OTUD4: variants seen among roughly 807,000 people sequenced by gnomAD.
OTUD4 encodes the protein OTU deubiquitinase 4.
In OTUD4, 24 loss-of-function variants were observed where a neutral mutation model predicts 130.4. The ratio of observed to expected loss-of-function variants is 0.18; its 90% CI spans 0.13 to 0.26. OTUD4 has a LOEUF of 0.26. OTUD4 is among the 10% of genes least tolerant of loss of function. The pLI, the probability that OTUD4 is intolerant of heterozygous loss-of-function variation, is 1.00. For missense variants in OTUD4, 1,031 were observed against 1,329.4 expected, an observed-to-expected ratio of 0.78 and a Z score of 3.49; for synonymous variants, 420 against 472.5, an observed-to-expected ratio of 0.89 and a Z score of 1.44.
intron 16 of OTUD4, among the ~76,000 whole-genome samples, 194 bp from the exon 17 acceptor site, chr4:145,143,639 G>A (rs1750688142): frequency 6.6e-6 from 1 of 152,012 alleles, no homozygotes. Flanking sequence ...TCAAACTACT[G>A]GGCAGTTTTC....
At chr4:145,150,441 C>T in intron 13 of OTUD4, 72 bp downstream of exon 13, 1 of 1,005,336 alleles carries the variant, frequency 9.9e-7, no homozygotes. Context: ...TATTCAAATG[C>T]ACATAATGTG....
rs868346423 is a variant in OTUD4 at position 145,170,389 on chromosome 4, T to C, written c.294+1281A>G. Among the ~76,000 whole-genome samples, 6 of 152,370 alleles carry C rather than the reference T, an allele frequency of 3.9e-5. 1 individual carries two copies. Among genetic ancestry groups the C allele is most frequent in the African/African-American group, 7.2e-5 (3 of 41,578 alleles). On this transcript the variant is annotated intron_variant, in intron 3 of 20. Transcript: ENST00000447906. ...CACAATTGGAACTGTTTTCTGAATC[T>C]GCTTTGCTCACAGTTTTCACTGCCT...
At position 145,172,913 on chromosome 4, in the gene OTUD4, G is replaced by C. The variant is rs55896233; in HGVS notation, c.244-1193C>G. Among the ~76,000 whole-genome samples the C allele has an allele frequency of 6.4e-3, 979 of 152,066 alleles. 13 individuals are homozygous for C. Among genetic ancestry groups the C allele is most frequent in the Non-Finnish European group, 5.5e-3 (377 of 68,014 alleles). ...TGACACAAGCCTGCATCCTCTCTGA[G>C]AGTCTCCTTTCTGAGCAGAAAGCGT... is the stretch of plus-strand genomic sequence containing the variant. On this transcript the variant is annotated intron_variant, in intron 2 of 20. Coordinates refer to ENST00000447906, the MANE Select transcript of OTUD4 (RefSeq NM_001366057.1).
intron 2 of OTUD4, 91 bp from the exon 3 acceptor site, chr4:145,171,811 T>C (rs577550599): frequency 3.3e-5 from 24 of 728,530 alleles, no homozygotes; most frequent in South Asian, 3.1e-4. Flanking sequence ...TGTGAATTAC[T>C]GAGTTTGTAC....
intron 1 of OTUD4, chr4:145,179,611 T>G: frequency 7.2e-7 from 1 of 1,385,678 alleles, no homozygotes; most frequent in East Asian, 3.0e-5. Context: ...CCCGTTAATT[T>G]GCGGGCTTTC....
intron 3 of OTUD4, among the ~76,000 whole-genome samples, chr4:145,167,935 A>T (rs1751959391): frequency 6.6e-6 from 1 of 152,174 alleles, no homozygotes. Flanking sequence ...TTTGATACGT[A>T]ACCTTCAGAA....
At chr4:145,154,626 C>T (rs1449083530) in intron 10 of OTUD4, among the ~76,000 whole-genome samples, 1 of 152,052 alleles carries the variant, frequency 6.6e-6, no homozygotes, top group Non-Finnish European at 1.5e-5. Context: ...AGAAAAGAGA[C>T]CTTGTAAATT....
intron 3 of OTUD4, chr4:145,170,887 T>C (rs1752128388): frequency 6.6e-6 from 1 of 152,238 alleles, no homozygotes; most frequent in Admixed American, 6.5e-5. Flanking sequence ...AGAAAAATCC[T>C]TTTAACATAA....
At position 145,166,171 on chromosome 4, in the gene OTUD4, A is replaced by G. The variant is rs564805295; in HGVS notation, c.295-974T>C. Among the ~76,000 whole-genome samples the G allele has an allele frequency of 8.5e-5, 13 of 152,224 alleles. No homozygotes were observed. The South Asian group carries it at 2.7e-3, about 32-fold the overall frequency. On this transcript the variant is annotated intron_variant, in intron 3 of 20. Transcript: ENST00000447906. ...AGCAAAACTCGGTCTCAAAAAAAAA[A>G]AAAGAAAGAAAGAAATATTGAATAG... is the stretch of plus-strand genomic sequence containing the variant.
Position 145,137,977 on chromosome 4 carries a change from T to G in OTUD4, c.2798A>C (p.Asp933Ala), listed in dbSNP as rs1750365177. 6.2e-7 allele frequency: 1 copy of G among 1,614,080 alleles called. No homozygotes were observed. The highest frequency in any genetic ancestry group is 1.3e-5 in the African/African-American group (1 of 74,928). ...LPEASVSSKP[D>A]EGRTEQSSQT... ...GGAAGATTGCTCTGTCCGGCCTTCG[T>G]CCGGCTTACTGCTCACACTTGCTTC... Residue 933 changes from aspartate (D) to alanine (A), a missense_variant, in exon 21 of 21, where the codon GAC becomes GCC. Physicochemically the swap from Asp to Ala is moderately radical, Grantham distance 126 (BLOSUM62 -2). Coordinates refer to ENST00000447906, the MANE Select transcript of OTUD4 (RefSeq NM_001366057.1).
chr4:145,153,480 C>G (rs1247403176), intron 10 of OTUD4, among the ~76,000 whole-genome samples: 1 of 152,154 alleles, frequency 6.6e-6, no homozygotes, highest in Admixed American at 6.5e-5. Context: ...TAAAGAATAC[C>G]AACTTGCACA....
chr4:145,135,098 G>A lies in OTUD4; in HGVS notation c.*2332C>T, dbSNP rs1029620584. 7.1e-5 allele frequency: 26 copies of A among 367,188 alleles called. No homozygotes were observed. The Admixed American group carries it at 9.7e-4, about 14-fold the overall frequency. The allele number at this position is 367,188 out of a possible 1,614,324, so 22.7% of individuals were successfully genotyped here. On this transcript the variant is annotated 3_prime_UTR_variant, in exon 21 of 21. Transcript: ENST00000447906. ...AAAACAAACTTAAAGGAAAAAAAGC[G>A]AAACCAACCTTCATGCAAAGATTAA...
At chr4:145,142,678 C>CGT (rs1750619655) in intron 17 of OTUD4, among the ~76,000 whole-genome samples, 1 of 152,230 alleles carries the variant, frequency 6.6e-6, no homozygotes, top group Non-Finnish European at 1.5e-5. Flanking sequence ...TGAGCCACCG[C>CGT]ACCTATCCAC....
Position 145,137,311 on chromosome 4 carries a change from G to C in OTUD4, c.*119C>G, listed in dbSNP as rs540954612. On this transcript the variant is annotated 3_prime_UTR_variant, in exon 21 of 21. Transcript: ENST00000447906. Reference sequence around the variant, plus strand: ...TTGTCCAGTATGGGAGTGAAGGTAAGGGGGGCTGGGGAGAGGAAAGAGTTC... The same window carrying C: ...TTGTCCAGTATGGGAGTGAAGGTAACGGGGGCTGGGGAGAGGAAAGAGTTC... The C allele has an allele frequency of 3.2e-4, 254 of 804,354 alleles. 1 individual carries two copies. The East Asian group carries it at 5.1e-3, about 16-fold the overall frequency. 49.8% of individuals were successfully genotyped at this position (804,354 alleles called of 1,614,324 possible).
chr4:145,179,667 G>C (rs1752596644), intron 1 of OTUD4, 148 bp downstream of exon 1: 1 of 1,403,086 alleles, frequency 7.1e-7, no homozygotes, highest in African/African-American at 1.5e-5. Context: ...GTCCCACTCC[G>C]GCGTTACAAT....
At chr4:145,177,124 T>G (rs557097939) in intron 1 of OTUD4, among the ~76,000 whole-genome samples, 1 of 152,236 alleles carries the variant, frequency 6.6e-6, no homozygotes, top group Non-Finnish European at 1.5e-5. Flanking sequence ...GAAGCTATGT[T>G]AGACACTATC....
Position 145,134,244 on chromosome 4 carries a change from G to C in OTUD4, c.*3186C>G, listed in dbSNP as rs1750133038. The C allele has an allele frequency of 6.5e-6, 1 of 153,566 alleles. No homozygotes were observed. Among genetic ancestry groups the C allele is most frequent in the Non-Finnish European group, 1.5e-5 (1 of 68,744 alleles). The allele number at this position is 153,566 out of a possible 1,614,324, so 9.5% of individuals were successfully genotyped here. A position where few individuals can be genotyped will look rare whatever the true frequency, so the allele number is the denominator to read the frequency against. Reference sequence around the variant, plus strand: ...TTATTAGGATTTTAAACAAACAATAGCATTTAGACATAAAGTAGGAAGCAA... The same window carrying C: ...TTATTAGGATTTTAAACAAACAATACCATTTAGACATAAAGTAGGAAGCAA... On this transcript the variant is annotated 3_prime_UTR_variant, in exon 21 of 21. Coordinates refer to ENST00000447906, the MANE Select transcript of OTUD4 (RefSeq NM_001366057.1).
At chr4:145,146,227 C>G (rs538719307) in intron 14 of OTUD4, 40 bp downstream of exon 14, 17 of 1,370,296 alleles carry the variant, frequency 1.2e-5, no homozygotes, top group African/African-American at 1.2e-4. Flanking sequence ...TTAAGAGAAA[C>G]TTCTGTATAA....
chr4:145,163,854 G>A (rs1335574438), intron 5 of OTUD4, among the ~76,000 whole-genome samples: 1 of 151,970 alleles, frequency 6.6e-6, no homozygotes, highest in Non-Finnish European at 1.5e-5. Context: ...TTACAGGGAT[G>A]TGCCACCACG....
Sources: allele counts gnomAD v4.1 joint callset (sites outside exome capture counted in the v4.1 genomes callset), GRCh38; gene constraint gnomAD v4.1.1; transcripts MANE v1.5; gene names NCBI Gene and HGNC (gene_info 2026-07-23, HGNC 2026-07-21).